Variants in BLTP3B observed in about 807,000 individuals in gnomAD.
BLTP3B encodes the protein UHRF1 (ICBP90) binding protein 1-like.
At chr12:100,122,723 C>T in the BLTP3B span, among the ~76,000 whole-genome samples, 2 of 152,178 alleles carry the variant, frequency 1.3e-5, no homozygotes, top group Non-Finnish European at 2.9e-5. Context: ...TTGCTCCCTG[C>T]TTTACACAAA....
the BLTP3B span, among the ~76,000 whole-genome samples, chr12:100,124,615 C>T: frequency 7.6e-4 from 115 of 151,972 alleles, no homozygotes; most frequent in Non-Finnish European, 1.4e-3. Context: ...CGTGATGGCA[C>T]GCGCCTGTAA....
the BLTP3B span, among the ~76,000 whole-genome samples, chr12:100,061,656 C>CAAAAAAAAAAAAAAAAAAAAAAAAAAA: frequency 3.0e-5 from 2 of 67,314 alleles, no homozygotes; most frequent in African/African-American, 5.2e-5. Context: ...GACTCCGTCT[C>CAAAAAAAAAAAAAAAAAAAAAAAAAAA]AAAAAAAAAA....
At chr12:100,052,791 T>TTTTG in the BLTP3B span, among the ~76,000 whole-genome samples, 427 of 69,704 alleles carry the variant, frequency 6.1e-3, 1 homozygote, top group Middle Eastern at 0.021. Context: ...TTCTTTTCTG[T>TTTTG]TTTTTTTTTT....
At chr12:100,089,549 G>T in the BLTP3B span, among the ~76,000 whole-genome samples, 1 of 151,900 alleles carries the variant, frequency 6.6e-6, no homozygotes, top group African/African-American at 2.4e-5. Flanking sequence ...AACAGAGCGA[G>T]ACTCCATCTC....
chr12:100,042,851 G>A, the BLTP3B span, among the ~76,000 whole-genome samples: 4 of 152,218 alleles, frequency 2.6e-5, no homozygotes, highest in African/African-American at 9.6e-5. Flanking sequence ...TCAGGCTGGA[G>A]TGCAGTGGCA....
the BLTP3B span, among the ~76,000 whole-genome samples, chr12:100,113,026 C>A: frequency 4.6e-5 from 7 of 151,932 alleles, no homozygotes; most frequent in African/African-American, 1.7e-4. Context: ...CAAAACTTAG[C>A]CAGGCATGGT....
chr12:100,065,153 T>C, the BLTP3B span, among the ~76,000 whole-genome samples: 1 of 152,174 alleles, frequency 6.6e-6, no homozygotes, highest in South Asian at 2.1e-4. Flanking sequence ...ATTCTTATAA[T>C]TTTTTATGCC....
the BLTP3B span, among the ~76,000 whole-genome samples, chr12:100,102,102 A>G: frequency 1.4e-5 from 2 of 147,596 alleles, no homozygotes; most frequent in African/African-American, 5.0e-5. Context: ...ACCGAGCCCA[A>G]CTTAACTCTT....
At chr12:100,051,173 A>T in the BLTP3B span, 2 of 1,614,066 alleles carry the variant, frequency 1.2e-6, no homozygotes, top group Non-Finnish European at 1.7e-6. Flanking sequence ...ACCAGCATTC[A>T]CACTTTCTGC....
At chr12:100,047,786 T>TCCAAAAAAGATCTCTACATCATTTA in the BLTP3B span, 2 of 1,102,788 alleles carry the variant, frequency 1.8e-6, no homozygotes, top group Non-Finnish European at 2.5e-6. Flanking sequence ...TTTCCTAATT[T>TCCAAAAAAGATCTCTACATCATTTA]CCAAAAAAGA....
chr12:100,109,565 A>T, the BLTP3B span, among the ~76,000 whole-genome samples: 1 of 152,112 alleles, frequency 6.6e-6, no homozygotes, highest in African/African-American at 2.4e-5. Context: ...GGAGTTCAAG[A>T]CCAGCCTGGC....
the BLTP3B span, among the ~76,000 whole-genome samples, chr12:100,128,078 T>G: frequency 6.6e-6 from 1 of 152,162 alleles, no homozygotes; most frequent in Non-Finnish European, 1.5e-5. Context: ...TTGTGAGACT[T>G]ATTTCAATCT....
chr12:100,142,311 C>T, the BLTP3B span, among the ~76,000 whole-genome samples: 1 of 152,228 alleles, frequency 6.6e-6, no homozygotes, highest in Non-Finnish European at 1.5e-5. Context: ...CCCCAGACGC[C>T]GCGCCGGGAG....
chr12:100,130,921 AATACATAC>A, the BLTP3B span, among the ~76,000 whole-genome samples: 153 of 127,678 alleles, frequency 1.2e-3, 2 homozygotes, highest in Middle Eastern at 3.9e-3. Context: ...ATCTCAAAAA[AATACATAC>A]ATACATACAT....
chr12:100,108,658 A>T, the BLTP3B span: 2 of 832,028 alleles, frequency 2.4e-6, no homozygotes, highest in Non-Finnish European at 3.6e-6. Flanking sequence ...GACACAACAT[A>T]ATGTCCATCA....
the BLTP3B span, chr12:100,048,344 C>T: frequency 2.5e-6 from 2 of 784,812 alleles, no homozygotes; most frequent in Admixed American, 7.4e-5. Flanking sequence ...TATACGTACA[C>T]ACACTAATTT....
chr12:100,080,317 G>C, the BLTP3B span, among the ~76,000 whole-genome samples: 1 of 152,092 alleles, frequency 6.6e-6, no homozygotes, highest in African/African-American at 2.4e-5. Flanking sequence ...AAGCCACAGG[G>C]GCAGAGCTGC....
At chr12:100,121,407 T>C in the BLTP3B span, among the ~76,000 whole-genome samples, 1 of 144,098 alleles carries the variant, frequency 6.9e-6, no homozygotes, top group Non-Finnish European at 1.5e-5. Flanking sequence ...TGATATAAAG[T>C]AGATCAGTGG....
chr12:100,073,568 T>C, the BLTP3B span, among the ~76,000 whole-genome samples: 1 of 151,782 alleles, frequency 6.6e-6, no homozygotes, highest in East Asian at 1.9e-4. Flanking sequence ...AACCTAAATA[T>C]GTATATGTGT....
Sources: gnomAD v4.1 joint callset for allele counts (sites outside exome capture counted in the v4.1 genomes callset) on GRCh38, gnomAD v4.1.1 for gene constraint, MANE v1.5 for transcripts, NCBI Gene and HGNC (gene_info 2026-07-23, HGNC 2026-07-21) for gene names.